Variants in EXPH5 observed in about 807,000 individuals in gnomAD.
The protein encoded by EXPH5 is exophilin-5.
EXPH5 carries 42 observed loss-of-function variants against 41.1 expected under a neutral mutation model. The observed-to-expected ratio is 1.02, with a 90% CI of 0.80 to 1.32. The LOEUF is 1.32. Ranked by LOEUF, EXPH5 falls within the 40% of genes most tolerant of loss-of-function variation. The probability of loss-of-function intolerance (pLI) is 0.00; values close to 1 mark genes in which losing one functional copy is unlikely to be tolerated. For missense variants in EXPH5, 2,298 were observed against 2,314.5 expected (o/e 0.99, Z 0.15); for synonymous variants, 798 against 833.5 (o/e 0.96, Z 0.73).
intron 1 of EXPH5, among the ~76,000 whole-genome samples, chr11:108,579,178 T>C (rs1299000124): frequency 6.7e-6 from 1 of 150,118 alleles, no homozygotes; most frequent in Non-Finnish European, 1.5e-5. Context: ...GGTATGCTCC[T>C]TCTATATGCA....
chr11:108,510,022 C>A lies in EXPH5; in HGVS notation c.5485G>T (p.Ala1829Ser), dbSNP rs577303444. The change falls in exon 6 of 6, where the codon GCC becomes TCC. Residue 1829 changes from alanine to serine, a missense_variant. Physicochemically the swap from Ala to Ser is moderately conservative, Grantham distance 99. Transcript: ENST00000265843. ...TTCCCAAGGGTCAGTCGACTCAGGG[C>A]ATTGTCAATAGAAGTGCTTTCAGAA... Reference protein sequence around the residue: ...HFSESTSIDNALSRLTLGNEF... With the variant: ...HFSESTSIDNSLSRLTLGNEF... 1 of 1,613,374 alleles carries A rather than the reference C, an allele frequency of 6.2e-7. No individual in the cohort carries two copies. Among genetic ancestry groups the A allele is most frequent in the Non-Finnish European group, 8.5e-7 (1 of 1,179,752 alleles).
chr11:108,510,053 G>A lies in EXPH5; in HGVS notation c.5454C>T (p.Arg1818=), dbSNP rs1378384882. 6.8e-6 allele frequency: 11 copies of A among 1,611,220 alleles called. No homozygotes were observed. Among genetic ancestry groups the A allele is most frequent in the Non-Finnish European group, 8.5e-6 (10 of 1,179,132 alleles). ...RKSHPPKVRE[R]HFSESTSIDN... The stretch of plus-strand genomic sequence containing the variant: ...CAATAGAAGTGCTTTCAGAAAAATG[G>A]CGCTCCCTGACTTTTGGAGGATGGC... The change falls in exon 6 of 6, where the codon CGC becomes CGT. Residue 1818 remains arginine (R), a synonymous_variant. Coordinates refer to ENST00000265843, the MANE Select transcript of EXPH5 (RefSeq NM_015065.3).
Position 108,510,384 on chromosome 11 carries a change from T to C in EXPH5, c.5123A>G (p.Glu1708Gly). 4 of 1,614,034 alleles carry C rather than the reference T, an allele frequency of 2.5e-6. No homozygotes were observed. The highest frequency in any genetic ancestry group is 3.4e-6 in the Non-Finnish European group (4 of 1,180,026). Residue 1708 changes from glutamate to glycine, a missense_variant, in exon 6 of 6, where the codon GAA becomes GGA. By Grantham distance (98) the Glu-to-Gly change is moderately conservative. Coordinates refer to ENST00000265843, the MANE Select transcript of EXPH5 (RefSeq NM_015065.3). Reference sequence around the variant, plus strand: ...AGAATTCTCATGCTTTGATGGTGATTCTGAGACGTTTTTAAACTCATTCTG... The same window carrying C: ...AGAATTCTCATGCTTTGATGGTGATCCTGAGACGTTTTTAAACTCATTCTG... The part of the protein sequence containing the change: ...RHQNEFKNVS[E>G]SPSKHENSKD...
intron 4 of EXPH5, among the ~76,000 whole-genome samples, chr11:108,519,463 T>C (rs1008826072): frequency 2.0e-5 from 3 of 152,092 alleles, no homozygotes; most frequent in African/African-American, 7.2e-5. Context: ...ATTTGTGAAC[T>C]TGGCCGCGTG....
intron 1 of EXPH5, among the ~76,000 whole-genome samples, chr11:108,592,600 T>C (rs998460744): frequency 2.0e-5 from 3 of 152,174 alleles, no homozygotes; most frequent in Non-Finnish European, 4.4e-5. Context: ...TTCCAGCACT[T>C]ATCCCACACT....
chr11:108,593,337 G>A, intron 1 of EXPH5, 81 bp downstream of exon 1: 1 of 1,277,078 alleles, frequency 7.8e-7, no homozygotes, highest in Non-Finnish European at 1.1e-6. Context: ...GGTGCCCCGC[G>A]CGAGCTCAGC....
intron 3 of EXPH5, among the ~76,000 whole-genome samples, chr11:108,533,072 G>A (rs1017941473): frequency 6.6e-6 from 1 of 152,150 alleles, no homozygotes; most frequent in African/African-American, 2.4e-5. Context: ...TTACCTGTAC[G>A]ACTTCTGCTC....
chr11:108,558,185 C>T (rs537757736), intron 1 of EXPH5, among the ~76,000 whole-genome samples: 2 of 152,224 alleles, frequency 1.3e-5, no homozygotes, highest in African/African-American at 4.8e-5. Flanking sequence ...TCAAGTGATC[C>T]CCTTGCCTCA....
chr11:108,532,166 C>T (rs2093842177), intron 3 of EXPH5, among the ~76,000 whole-genome samples: 1 of 149,416 alleles, frequency 6.7e-6, no homozygotes, highest in South Asian at 2.1e-4. Context: ...TCCTAGATCC[C>T]TTCTGCCATA....
chr11:108,526,188 G>A (rs1356739665), intron 4 of EXPH5, among the ~76,000 whole-genome samples: 1 of 151,928 alleles, frequency 6.6e-6, no homozygotes, highest in Non-Finnish European at 1.5e-5. Flanking sequence ...CTCCCAAAGT[G>A]TTGAGATTAT....
chr11:108,541,866 C>A, intron 1 of EXPH5, 54 bp from the exon 2 acceptor site: 1 of 1,400,916 alleles, frequency 7.1e-7, no homozygotes, highest in Non-Finnish European at 9.7e-7. Flanking sequence ...TAACATCAAG[C>A]TCATCCTTAA....
intron 1 of EXPH5, among the ~76,000 whole-genome samples, chr11:108,578,878 T>C (rs1004188355): frequency 3.1e-4 from 47 of 152,240 alleles, no homozygotes; most frequent in African/African-American, 1.1e-3. Flanking sequence ...CTGAATTCTT[T>C]TATCAGTTCT....
At chr11:108,599,868 C>T in the EXPH5 span, among the ~76,000 whole-genome samples, 68 of 152,302 alleles carry the variant, frequency 4.5e-4, no homozygotes, top group African/African-American at 1.6e-3. Context: ...TAACTACTGT[C>T]GACCTGAGAG....
chr11:108,518,156 G>T, intron 5 of EXPH5, 79 bp downstream of exon 5: 1 of 1,265,212 alleles, frequency 7.9e-7, no homozygotes, highest in Non-Finnish European at 1.1e-6. Flanking sequence ...TATGTTTTGA[G>T]TAGTTTGATA....
At chr11:108,590,693 T>C (rs1300488937) in intron 1 of EXPH5, among the ~76,000 whole-genome samples, 1 of 152,216 alleles carries the variant, frequency 6.6e-6, no homozygotes, top group Admixed American at 6.5e-5. Flanking sequence ...ACTGTGTCAC[T>C]CTGGTTGGAG....
intron 3 of EXPH5, among the ~76,000 whole-genome samples, chr11:108,528,465 A>G (rs1462250089): frequency 6.6e-6 from 1 of 152,200 alleles, no homozygotes; most frequent in East Asian, 1.9e-4. Context: ...CACATAAAAT[A>G]TAATAGCTAT....
At position 108,514,620 on chromosome 11, in the gene EXPH5, T is replaced by C. The variant is rs765979413; in HGVS notation, c.887A>G (p.Asp296Gly). 3 of 1,610,500 alleles carry C rather than the reference T, an allele frequency of 1.9e-6. No homozygotes were observed. The highest frequency in any genetic ancestry group is 1.1e-5 in the South Asian group (1 of 90,358). ...TFSPRTSTIYDMYRTREPRVF... is the reference protein window; with the variant it reads ...TFSPRTSTIYGMYRTREPRVF... Reference sequence around the variant, plus strand: ...TCTGGGCTCCCTTGTCCTATACATATCATAAATTGTGCTTGTCCTAGGAGA... The same window carrying C: ...TCTGGGCTCCCTTGTCCTATACATACCATAAATTGTGCTTGTCCTAGGAGA... Residue 296 changes from aspartate (D) to glycine (G), a missense_variant, in exon 6 of 6, where the codon GAT becomes GGT. Transcript: ENST00000265843.
intron 1 of EXPH5, among the ~76,000 whole-genome samples, chr11:108,543,024 T>C (rs1273881673): frequency 6.6e-6 from 1 of 152,042 alleles, no homozygotes. Context: ...CTGCAGAATA[T>C]AATGGTCTTA....
intron 1 of EXPH5, among the ~76,000 whole-genome samples, chr11:108,545,528 G>A (rs937619228): frequency 6.6e-6 from 1 of 152,116 alleles, no homozygotes; most frequent in African/African-American, 2.4e-5. Context: ...TGAACCCTGG[G>A]CAAAGAGCAG....
Sources: allele counts gnomAD v4.1 joint callset (sites outside exome capture counted in the v4.1 genomes callset), GRCh38; gene constraint gnomAD v4.1.1; transcripts MANE v1.5; gene names NCBI Gene and HGNC (gene_info 2026-07-23, HGNC 2026-07-21).